Variants in TNPO3 observed in about 807,000 individuals in gnomAD.
TNPO3 encodes the protein transportin-3.
In TNPO3, 65 loss-of-function variants were observed where a neutral mutation model predicts 122.8. The observed-to-expected ratio is 0.53, with a 90% CI of 0.43 to 0.65. The LOEUF (loss-of-function observed/expected upper bound fraction) is 0.65, where lower values mean the gene tolerates loss of function less well. Ranked by LOEUF, TNPO3 falls within the 30% of genes least tolerant of loss-of-function variation. The pLI, the probability that TNPO3 is intolerant of heterozygous loss-of-function variation, is 0.00. For synonymous variants in TNPO3, 372 were observed against 411.2 expected, an observed-to-expected ratio of 0.90 and a Z score of 1.15; for missense variants, 850 against 1,136.7, an observed-to-expected ratio of 0.75 and a Z score of 3.63.
intron 1 of TNPO3, among the ~76,000 whole-genome samples, chr7:129,044,684 A>T (rs1420606406): frequency 6.6e-6 from 1 of 152,236 alleles, no homozygotes; most frequent in African/African-American, 2.4e-5. Context: ...ACCATGGTAC[A>T]AGTGAGGGAA....
intron 21 of TNPO3, among the ~76,000 whole-genome samples, chr7:128,962,232 G>A (rs1797527447): frequency 6.6e-6 from 1 of 152,042 alleles, no homozygotes. Flanking sequence ...GGGCGCGGTG[G>A]CGGGTGCCTG....
At chr7:129,019,382 CAG>C (rs753326652) in intron 1 of TNPO3, among the ~76,000 whole-genome samples, 51 of 152,262 alleles carry the variant, frequency 3.3e-4, no homozygotes, top group Non-Finnish European at 4.3e-4. Context: ...CTTATGAAGA[CAG>C]AGCTCTTCAC....
At position 128,972,666 on chromosome 7, in the gene TNPO3, A is replaced by G. The variant is rs1203445610; in HGVS notation, c.2274-84T>C. On this transcript the variant is annotated intron_variant, in intron 18 of 22. Transcript: ENST00000265388. ...GGTAAAAGGGCAAAACTATGAAGAC[A>G]GTAAAAAAGATCAGTGGTTGGTGGG... The G allele has an allele frequency of 4.0e-6, 5 of 1,255,794 alleles. No homozygotes were observed. The Admixed American group carries it at 6.9e-5, about 17-fold the overall frequency. 77.8% of individuals were successfully genotyped at this position (1,255,794 alleles called of 1,614,324 possible). A position where few individuals can be genotyped will look rare whatever the true frequency, so the allele number is the denominator to read the frequency against.
intron 16 of TNPO3, among the ~76,000 whole-genome samples, chr7:128,977,322 AC>A (rs1799159669): frequency 6.6e-6 from 1 of 152,250 alleles, no homozygotes; most frequent in Non-Finnish European, 1.5e-5. Context: ...GTTGTAGTAG[AC>A]CCAGAATGTA....
At chr7:128,981,492 G>A (rs1341731577) in intron 14 of TNPO3, among the ~76,000 whole-genome samples, 1 of 152,136 alleles carries the variant, frequency 6.6e-6, no homozygotes, top group African/African-American at 2.4e-5. Context: ...GGTTCTGAAA[G>A]TATGGTCTCT....
At position 128,996,742 on chromosome 7, in the gene TNPO3, C is replaced by CA. The variant is rs10618550; in HGVS notation, c.1158+646dup. 9.7e-3 allele frequency among the ~76,000 whole-genome samples: 680 copies of CA among 69,870 alleles called. 31 individuals are homozygous for CA. The highest frequency in any genetic ancestry group is 0.021 in the East Asian group (39 of 1,902). 45.8% of individuals were successfully genotyped at this position (69,870 alleles called of 152,430 possible). On this transcript the variant is annotated intron_variant, in intron 8 of 22. Transcript: ENST00000265388. ...TGGGTGACAGAGCGAGACTCCGTCT[C>CA]AAAAAAAAAAAAAAAAAAAAAAAAA...
chr7:129,054,883 C>T lies in TNPO3; in HGVS notation c.-113G>A. ...TGGGCCACGGCCGCTCCCTGACTGG[C>T]GCCATCTCCTCCTCTTTGGCCGTTA... is the stretch of plus-strand genomic sequence containing the variant. On this transcript the variant is annotated 5_prime_UTR_variant, in exon 1 of 23. Coordinates refer to ENST00000265388, the MANE Select transcript of TNPO3 (RefSeq NM_012470.4). The T allele has an allele frequency of 7.0e-7, 1 of 1,425,948 alleles. No homozygotes were observed. The highest frequency in any genetic ancestry group is 9.6e-7 in the Non-Finnish European group (1 of 1,038,524). 88.3% of individuals were successfully genotyped at this position (1,425,948 alleles called of 1,614,324 possible).
At chr7:128,974,744 G>C in intron 18 of TNPO3, 124 bp downstream of exon 18, 1 of 795,932 alleles carries the variant, frequency 1.3e-6, no homozygotes, top group Non-Finnish European at 2.1e-6. Flanking sequence ...TTTGGGTTAT[G>C]AATCATTAAT....
At chr7:129,014,683 G>A (rs1214157943) in intron 4 of TNPO3, among the ~76,000 whole-genome samples, 2 of 152,144 alleles carry the variant, frequency 1.3e-5, no homozygotes, top group Non-Finnish European at 2.9e-5. Context: ...AGCAGTAGAA[G>A]AGCACAAGAT....
At chr7:129,040,441 A>T (rs1254857245) in intron 1 of TNPO3, among the ~76,000 whole-genome samples, 3 of 152,140 alleles carry the variant, frequency 2.0e-5, no homozygotes, top group Admixed American at 6.6e-5. Context: ...TGGTTATGGG[A>T]GGGGAATGAT....
At chr7:129,052,988 C>T (rs7797957) in intron 1 of TNPO3, among the ~76,000 whole-genome samples, 1,565 of 152,192 alleles carry the variant, frequency 0.01, 20 homozygotes, top group African/African-American at 0.035. Flanking sequence ...CCTTTATTTT[C>T]TGAAGAGGAC....
intron 18 of TNPO3, 147 bp downstream of exon 18, chr7:128,974,721 C>A: frequency 1.4e-6 from 1 of 690,922 alleles, no homozygotes; most frequent in Non-Finnish European, 2.5e-6. Flanking sequence ...GATATATCAG[C>A]TTGCAATTTA....
rs1797201127 is a variant in TNPO3, at chr7:128,959,244, G to C, written c.2712-1929C>G. On this transcript the variant is annotated intron_variant, in intron 21 of 22. Coordinates refer to ENST00000265388, the MANE Select transcript of TNPO3 (RefSeq NM_012470.4). Reference sequence around the variant, plus strand: ...GTTGCTATGTGGTGTGTTATCACAAGGGACTAGGATAACAGAAAACCCTGA... The same window carrying C: ...GTTGCTATGTGGTGTGTTATCACAACGGACTAGGATAACAGAAAACCCTGA... Among the ~76,000 whole-genome samples the C allele has an allele frequency of 2.0e-5, 3 of 152,200 alleles. No homozygotes were observed. The South Asian group carries it at 6.2e-4, about 31-fold the overall frequency.
chr7:129,009,726 T>C (rs888076205), intron 4 of TNPO3, among the ~76,000 whole-genome samples: 1 of 152,222 alleles, frequency 6.6e-6, no homozygotes, highest in African/African-American at 2.4e-5. Flanking sequence ...TCAAGTCCAT[T>C]AACTCTCACC....
upstream of TNPO3, chr7:129,056,156 T>C: frequency 1.1e-6 from 1 of 940,246 alleles, no homozygotes; most frequent in Non-Finnish European, 1.8e-6. Context: ...CTCTCGCCAC[T>C]GCGTATAACG....
intron 1 of TNPO3, among the ~76,000 whole-genome samples, chr7:129,049,360 A>T (rs1024209200): frequency 1.3e-5 from 2 of 152,216 alleles, no homozygotes; most frequent in South Asian, 2.1e-4. Context: ...TAGATCTGAC[A>T]AGAGGAGAAG....
In TNPO3 at chr7:128,982,302, T is replaced by C. The variant is rs763500665; in HGVS notation, c.1805A>G (p.Asn602Ser). 2.5e-6 allele frequency: 4 copies of C among 1,613,346 alleles called. No individual in the cohort carries two copies. The highest frequency in any genetic ancestry group is 3.4e-6 in the Non-Finnish European group (4 of 1,179,492). Residue 602 changes from asparagine (N) to serine (S), a missense_variant, in exon 14 of 23, where the codon AAT (asparagine) becomes AGT (serine). Coordinates refer to ENST00000265388, the MANE Select transcript of TNPO3 (RefSeq NM_012470.4). The stretch of plus-strand genomic sequence containing the variant: ...CACTGTGGGATCTGAGGATATGCCA[T>C]TGCTGGGCTCTTGAGACAACAGCTG... ...LKKLLSQEPS[N>S]GISSDPTVFL...
intron 1 of TNPO3, among the ~76,000 whole-genome samples, chr7:129,050,970 A>G (rs996845624): frequency 6.6e-6 from 1 of 152,196 alleles, no homozygotes; most frequent in African/African-American, 2.4e-5. Flanking sequence ...CATGACAGTA[A>G]TTATCCAACA....
At chr7:129,010,341 A>T (rs1350925842) in intron 4 of TNPO3, among the ~76,000 whole-genome samples, 1 of 149,184 alleles carries the variant, frequency 6.7e-6, no homozygotes, top group Admixed American at 6.7e-5. Context: ...TTAATGTATT[A>T]TTTTTTTTTT....
Sources: allele counts gnomAD v4.1 joint callset (sites outside exome capture counted in the v4.1 genomes callset), GRCh38; gene constraint gnomAD v4.1.1; transcripts MANE v1.5; gene names NCBI Gene and HGNC (gene_info 2026-07-23, HGNC 2026-07-21).